The following SNX24 variants were observed in gnomAD, a reference collection of about 807,000 sequenced individuals.
SNX24 encodes the protein sorting nexin 24.
In SNX24, 22 loss-of-function variants were observed where a neutral mutation model predicts 28.7. That is an observed-to-expected ratio of 0.77 (90% CI 0.55 to 1.10). SNX24 has a LOEUF of 1.10. Among genes scored for constraint, SNX24 ranks in the 50% least tolerant of loss-of-function variants. The pLI is 0.00. For missense variants in SNX24, 221 were observed against 201.1 expected, an observed-to-expected ratio of 1.10 and a Z score of -0.60; for synonymous variants, 69 against 71.5, an observed-to-expected ratio of 0.96 and a Z score of 0.18.
At chr5:122,890,501 A>C (rs1581711132) in intron 1 of SNX24, among the ~76,000 whole-genome samples, 2 of 131,528 alleles carry the variant, frequency 1.5e-5, no homozygotes, top group Non-Finnish European at 3.1e-5. Context: ...ACGGAATCTC[A>C]CTCTGTGGCC....
chr5:122,938,726 GTCA>G (rs1759295882), intron 2 of SNX24, among the ~76,000 whole-genome samples: 1 of 10,714 alleles, frequency 9.3e-5, no homozygotes, highest in African/African-American at 1.6e-3. Flanking sequence ...GGATCACGAG[GTCA>G]GGAGATCGAG....
rs1761553894 is a variant in SNX24 at position 122,985,276 on chromosome 5, G to A, written c.250-14636G>A. ...AGAGGCACTGTGGATCCTGCCCTGG[G>A]CCAGAGGATGAGGGGGAACAGCTGA... On this transcript the variant is annotated intron_variant, in intron 3 of 6. Coordinates refer to ENST00000261369, the MANE Select transcript of SNX24 (RefSeq NM_014035.4). 2.0e-5 allele frequency among the ~76,000 whole-genome samples: 3 copies of A among 152,132 alleles called. No homozygotes were observed. In the South Asian group the frequency reaches 6.2e-4, roughly 32 times the overall value.
chr5:122,933,021 T>A (rs1759028340), intron 1 of SNX24, among the ~76,000 whole-genome samples: 1 of 152,178 alleles, frequency 6.6e-6, no homozygotes, highest in African/African-American at 2.4e-5. Flanking sequence ...TTATCTTTTG[T>A]TAATTTTACC....
chr5:122,969,777 C>T (rs1003826300), intron 3 of SNX24, among the ~76,000 whole-genome samples: 6 of 152,040 alleles, frequency 3.9e-5, no homozygotes, highest in Admixed American at 1.3e-4. Flanking sequence ...TCCCTCTTGC[C>T]CCAGTGAGAC....
chr5:122,983,973 A>T (rs1354310747), intron 3 of SNX24, among the ~76,000 whole-genome samples: 6 of 152,230 alleles, frequency 3.9e-5, no homozygotes, highest in Non-Finnish European at 8.8e-5. Flanking sequence ...CTAAAGAATA[A>T]TTGATATTTG....
At chr5:122,972,973 A>C (rs1761017953) in intron 3 of SNX24, among the ~76,000 whole-genome samples, 1 of 152,192 alleles carries the variant, frequency 6.6e-6, no homozygotes, top group Non-Finnish European at 1.5e-5. Context: ...CCCTGACACC[A>C]TGGCCACTTT....
intron 1 of SNX24, among the ~76,000 whole-genome samples, chr5:122,857,658 G>A (rs1394918880): frequency 6.6e-6 from 1 of 152,106 alleles, no homozygotes; most frequent in Non-Finnish European, 1.5e-5. Flanking sequence ...AGAACATGTG[G>A]TATTTGGTTT....
At chr5:122,909,423 C>T (rs1337776342) in intron 1 of SNX24, among the ~76,000 whole-genome samples, 1 of 152,148 alleles carries the variant, frequency 6.6e-6, no homozygotes, top group Non-Finnish European at 1.5e-5. Flanking sequence ...TAAAACCTTA[C>T]CGTAGGTCAT....
intron 1 of SNX24, among the ~76,000 whole-genome samples, chr5:122,873,583 G>A (rs1235395677): frequency 1.3e-5 from 2 of 152,000 alleles, no homozygotes; most frequent in South Asian, 2.1e-4. Context: ...ACAGAGGTGT[G>A]GAGTGTGAGG....
intron 1 of SNX24, among the ~76,000 whole-genome samples, chr5:122,887,424 T>G (rs1434733310): frequency 6.6e-6 from 1 of 152,198 alleles, no homozygotes; most frequent in Non-Finnish European, 1.5e-5. Flanking sequence ...CTATTTTTAT[T>G]TAGCCTTTTC....
intron 1 of SNX24, among the ~76,000 whole-genome samples, chr5:122,847,145 A>C (rs1456297397): frequency 6.6e-6 from 1 of 152,178 alleles, no homozygotes; most frequent in Non-Finnish European, 1.5e-5. Context: ...GTTGGCTTTC[A>C]AAGAAAAGAT....
At chr5:122,886,537 G>A (rs181769605) in intron 1 of SNX24, among the ~76,000 whole-genome samples, 196 of 152,126 alleles carry the variant, frequency 1.3e-3, no homozygotes, top group Admixed American at 3.2e-3. Flanking sequence ...TATTCGGGCC[G>A]GGCGCAGTGG....
At chr5:122,853,759 A>T (rs1358037297) in intron 1 of SNX24, 1 of 340,822 alleles carries the variant, frequency 2.9e-6, no homozygotes, top group African/African-American at 2.2e-5. Flanking sequence ...AGATGCTGGC[A>T]TTACAGCCGT....
intron 3 of SNX24, among the ~76,000 whole-genome samples, chr5:122,999,104 G>A (rs1208845158): frequency 6.6e-6 from 1 of 152,064 alleles, no homozygotes; most frequent in Non-Finnish European, 1.5e-5. Flanking sequence ...ACACACTCTG[G>A]TAGACTTTAA....
intron 1 of SNX24, among the ~76,000 whole-genome samples, chr5:122,901,532 G>A (rs1275156824): frequency 6.6e-6 from 1 of 152,162 alleles, no homozygotes; most frequent in Admixed American, 6.5e-5. Context: ...TATGCAGGAG[G>A]TATTTGGGCA....
chr5:122,920,876 C>T (rs1301426451), intron 1 of SNX24, among the ~76,000 whole-genome samples: 2 of 152,100 alleles, frequency 1.3e-5, no homozygotes, highest in African/African-American at 4.8e-5. Context: ...TGTGCATAAT[C>T]CCTCTTAAAC....
At chr5:122,861,326 C>T (rs115482519) in intron 1 of SNX24, among the ~76,000 whole-genome samples, 1,801 of 152,222 alleles carry the variant, frequency 0.012, 28 homozygotes, top group Middle Eastern at 0.027. Context: ...GGTGACAGAG[C>T]GAGACTTTGT....
intron 6 of SNX24, among the ~76,000 whole-genome samples, chr5:123,005,195 A>G (rs1218274379): frequency 1.3e-5 from 2 of 152,176 alleles, no homozygotes; most frequent in African/African-American, 4.8e-5. Context: ...TGCTTCCTTC[A>G]TAGTAATGGT....
intron 3 of SNX24, among the ~76,000 whole-genome samples, chr5:122,991,284 A>T (rs1761837890): frequency 1.3e-5 from 2 of 152,116 alleles, no homozygotes. Context: ...ATTATGTGTA[A>T]TTGAAGTGCA....
Sources: allele counts gnomAD v4.1 joint callset (sites outside exome capture counted in the v4.1 genomes callset), GRCh38; gene constraint gnomAD v4.1.1; transcripts MANE v1.5; gene names NCBI Gene and HGNC (gene_info 2026-07-23, HGNC 2026-07-21).